Variants in PRSS38 observed in about 807,000 individuals in gnomAD.
PRSS38 encodes marapsin 2.
In PRSS38, 22 loss-of-function variants were observed where a neutral mutation model predicts 26.8. That is an observed-to-expected ratio of 0.82 (90% CI 0.59 to 1.17). The LOEUF is 1.17. PRSS38 is among the 50% of genes most tolerant of loss of function. PRSS38 has a pLI of 0.00. For synonymous variants in PRSS38, 175 were observed against 172.1 expected, an observed-to-expected ratio of 1.02 and a Z score of -0.13; for missense variants, 427 against 422.7, an observed-to-expected ratio of 1.01 and a Z score of -0.09.
At chr1:227,828,299 C>T (rs1665103648) in intron 3 of PRSS38, among the ~76,000 whole-genome samples, 1 of 152,294 alleles carries the variant, frequency 6.6e-6, no homozygotes, top group South Asian at 2.1e-4. Flanking sequence ...GTTAAAGTAT[C>T]CCACTATTAC....
intron 3 of PRSS38, among the ~76,000 whole-genome samples, chr1:227,829,553 A>C (rs562511614): frequency 6.6e-6 from 1 of 152,212 alleles, no homozygotes; most frequent in South Asian, 2.1e-4. Flanking sequence ...TTTATTGTAC[A>C]TATGTTTACT....
intron 3 of PRSS38, among the ~76,000 whole-genome samples, chr1:227,841,031 G>C (rs762907891): frequency 2.0e-5 from 3 of 152,210 alleles, no homozygotes; most frequent in Non-Finnish European, 4.4e-5. Context: ...TACCATTTCT[G>C]TATCATTTTA....
intron 3 of PRSS38, among the ~76,000 whole-genome samples, chr1:227,820,453 C>A (rs1362190858): frequency 6.6e-6 from 1 of 151,988 alleles, no homozygotes; most frequent in African/African-American, 2.4e-5. Context: ...TAAAAAAATG[C>A]CTTAATGTTG....
chr1:227,817,711 A>G (rs1664944052), intron 3 of PRSS38, among the ~76,000 whole-genome samples: 1 of 152,266 alleles, frequency 6.6e-6, no homozygotes, highest in African/African-American at 2.4e-5. Flanking sequence ...GTTGGTATGC[A>G]GTATATCAAG....
chr1:227,842,288 C>A (rs1430970484), intron 3 of PRSS38, among the ~76,000 whole-genome samples: 1 of 152,184 alleles, frequency 6.6e-6, no homozygotes, highest in Admixed American at 6.5e-5. Flanking sequence ...TCCAGGAAAG[C>A]TTTCCCAAAT....
At chr1:227,835,034 A>C (rs1301688422) in intron 3 of PRSS38, among the ~76,000 whole-genome samples, 1 of 152,220 alleles carries the variant, frequency 6.6e-6, no homozygotes, top group African/African-American at 2.4e-5. Context: ...ACTTGAACTG[A>C]CATTTCTCCA....
intron 3 of PRSS38, among the ~76,000 whole-genome samples, chr1:227,820,158 C>T (rs1664983152): frequency 6.9e-6 from 1 of 145,374 alleles, no homozygotes; most frequent in Admixed American, 6.9e-5. Context: ...TACCCTGCAA[C>T]TTTACTGAAT....
Position 227,824,239 on chromosome 1 carries a change from G to A in PRSS38, c.583+6759G>A, listed in dbSNP as rs1260260766. On this transcript the variant is annotated intron_variant, in intron 3 of 4. Coordinates refer to ENST00000366757, the Ensembl canonical transcript of PRSS38. ...TCCCTCCCTCTATCCCCCCAAACAG[G>A]CCCCAGTGTGTGTTGTTTCCCCACT... is the stretch of plus-strand genomic sequence containing the variant. Among the ~76,000 whole-genome samples the A allele has an allele frequency of 3.3e-5, 5 of 152,028 alleles. No homozygotes were observed. In the East Asian group the frequency reaches 7.7e-4, roughly 23 times the overall value.
intron 3 of PRSS38, among the ~76,000 whole-genome samples, chr1:227,842,859 G>C (rs1341525724): frequency 6.6e-6 from 1 of 152,166 alleles, no homozygotes; most frequent in East Asian, 1.9e-4. Flanking sequence ...CTACAGGTGT[G>C]AGCCACCATG....
At chr1:227,827,152 T>C (rs1396456789) in intron 3 of PRSS38, among the ~76,000 whole-genome samples, 1 of 152,204 alleles carries the variant, frequency 6.6e-6, no homozygotes, top group Non-Finnish European at 1.5e-5. Context: ...GTGGTCATTG[T>C]AGTATCTCTG....
chr1:227,826,090 CCTTCA>C (rs1665069974), intron 3 of PRSS38, among the ~76,000 whole-genome samples: 1 of 152,030 alleles, frequency 6.6e-6, no homozygotes, highest in Non-Finnish European at 1.5e-5. Context: ...TTGAAGAGGT[CCTTCA>C]CTTCCCTTGT....
chr1:227,818,087 A>G (rs188940818), intron 3 of PRSS38, among the ~76,000 whole-genome samples: 129 of 151,670 alleles, frequency 8.5e-4, no homozygotes, highest in Non-Finnish European at 1.3e-3. Context: ...CCCATATTTT[A>G]TCTTTTATTT....
chr1:227,845,722 C>T (rs1011053648), intron 4 of PRSS38, 110 bp downstream of exon 4: 27 of 1,355,930 alleles, frequency 2.0e-5, no homozygotes, highest in Non-Finnish European at 2.8e-5. Context: ...TGCAGCCATG[C>T]CCCAAGCTGA....
chr1:227,834,434 C>A (rs143792262), intron 3 of PRSS38, among the ~76,000 whole-genome samples: 4,031 of 152,122 alleles, frequency 0.026, 64 homozygotes, highest in South Asian at 0.084. Context: ...TTTGGGAGGC[C>A]AAGGCGGGCA....
At chr1:227,825,103 G>A (rs959124628) in intron 3 of PRSS38, among the ~76,000 whole-genome samples, 1 of 152,122 alleles carries the variant, frequency 6.6e-6, no homozygotes, top group Non-Finnish European at 1.5e-5. Flanking sequence ...TTTTGCTTTT[G>A]TTGCAATTGC....
chr1:227,846,057 TG>T lies in PRSS38; in HGVS notation c.831del (p.Tyr278MetfsTer15). The T allele has an allele frequency of 6.2e-7, 1 of 1,614,156 alleles. No individual in the cohort carries two copies. Among genetic ancestry groups the T allele is most frequent in the Non-Finnish European group, 8.5e-7 (1 of 1,180,026 alleles). Reference sequence around the variant, plus strand: ...TGCTCCAACCCTCTGTACCCTGGAGTGTATGCCAGTGTTTCCTATTTCTCAA... The same window carrying T: ...TGCTCCAACCCTCTGTACCCTGGAGTTATGCCAGTGTTTCCTATTTCTCAA... On this transcript the variant is annotated frameshift_variant, in exon 5 of 5. Coordinates refer to ENST00000366757, the Ensembl canonical transcript of PRSS38. LOFTEE classifies it low-confidence loss of function (END_TRUNC).
chr1:227,839,847 T>G (rs1358082119), intron 3 of PRSS38, among the ~76,000 whole-genome samples: 2 of 152,200 alleles, frequency 1.3e-5, no homozygotes, highest in African/African-American at 4.8e-5. Flanking sequence ...GGCACTTTCT[T>G]AATTCTTCCG....
At chr1:227,817,133 C>G in intron 2 of PRSS38, 76 bp from the exon 3 acceptor site, 21 of 1,484,412 alleles carry the variant, frequency 1.4e-5, no homozygotes, top group South Asian at 1.0e-4. Flanking sequence ...CAGCCCCTTG[C>G]GCTTGGCCTC....
In PRSS38 at chr1:227,816,266, G is replaced by A. The variant is rs12121588; in HGVS notation, c.311+14G>A. On this transcript the variant is annotated intron_variant, in intron 2 of 4. Coordinates refer to ENST00000366757, the Ensembl canonical transcript of PRSS38. This position sits in a 1 kb window ranked among gnomAD's most constrained non-coding sequence, Gnocchi z 5.1. ...CTGCTTTCACAGGTAAGCGGGCGCC[G>A]GCCTGGGATGGTGTGGGTAGCTGGG... 0.22 allele frequency: 356,675 copies of A among 1,603,478 alleles called. 40,557 individuals are homozygous for A. Among genetic ancestry groups the A allele is most frequent in the Middle Eastern group, 0.27 (1,645 of 6,000 alleles).
Sources: allele counts gnomAD v4.1 joint callset (sites outside exome capture counted in the v4.1 genomes callset), GRCh38; gene constraint gnomAD v4.1.1; non-coding constraint Gnocchi (gnomAD v3.1); transcripts MANE v1.5; gene names NCBI Gene and HGNC (gene_info 2026-07-23, HGNC 2026-07-21).